Variants in PCDHA2 observed in about 807,000 individuals in gnomAD.
The protein encoded by PCDHA2 is protocadherin alpha-2.
Under a neutral mutation model 66.0 loss-of-function variants are expected in PCDHA2, and 58 were observed. The ratio of observed to expected loss-of-function variants is 0.88; its 90% CI spans 0.71 to 1.09. The LOEUF is 1.09. PCDHA2 is among the 50% of genes least tolerant of loss of function. The probability of loss-of-function intolerance (pLI) is 0.00; values close to 1 mark genes in which losing one functional copy is unlikely to be tolerated. For missense variants in PCDHA2, 1,267 were observed against 1,242.3 expected (o/e 1.02, Z -0.30); for synonymous variants, 634 against 554.0 (o/e 1.14, Z -2.03).
chr5:140,931,088 A>G (rs1178910459), intron 1 of PCDHA2, among the ~76,000 whole-genome samples: 1 of 152,196 alleles, frequency 6.6e-6, no homozygotes, highest in African/African-American at 2.4e-5. Context: ...AGTTCTACAG[A>G]TGACAAAGGA....
At chr5:140,860,132 T>C (rs2150486737) in intron 1 of PCDHA2, 1 of 150,816 alleles carries the variant, frequency 6.6e-6, no homozygotes, top group East Asian at 1.9e-4. Flanking sequence ...TGTGTGTGTG[T>C]GTATATATAT....
chr5:140,801,315 A>T, intron 1 of PCDHA2: 3 of 1,613,346 alleles, frequency 1.9e-6, no homozygotes, highest in Non-Finnish European at 2.5e-6. Flanking sequence ...TGAGGAGGCC[A>T]AGCATGGCAC....
chr5:140,848,815 A>G, intron 1 of PCDHA2: 4 of 1,591,096 alleles, frequency 2.5e-6, no homozygotes, highest in Non-Finnish European at 2.6e-6. Context: ...ATCCACCTGG[A>G]GGTGATCGTA....
chr5:140,941,191 T>TTTTTTTC lies in PCDHA2; in HGVS notation c.2389-37755_2389-37754insTTTCTTT, dbSNP rs1554213809. ...CATCTTGAACATCCTGCTTCTTTTT[T>TTTTTTTC]TTTCTTTCTTCCTTTCTTTCTTCCT... is the stretch of plus-strand genomic sequence containing the variant. On this transcript the variant is annotated intron_variant, in intron 1 of 3. Coordinates refer to ENST00000526136, the MANE Select transcript of PCDHA2 (RefSeq NM_018905.3). Among the ~76,000 whole-genome samples, 30 of 93,254 alleles carry TTTTTTTC rather than the reference T, an allele frequency of 3.2e-4. 1 individual carries two copies. Among genetic ancestry groups the TTTTTTTC allele is most frequent in the Admixed American group, 1.8e-3 (15 of 8,146 alleles). The allele number at this position is 93,254 out of a possible 152,430, so 61.2% of individuals were successfully genotyped here.
At chr5:140,843,615 C>T (rs111750019) in intron 1 of PCDHA2, 2 of 1,595,902 alleles carry the variant, frequency 1.3e-6, no homozygotes, top group Non-Finnish European at 1.7e-6. Flanking sequence ...GAGGGGCCAC[C>T]GAAGACGGAC....
Position 140,797,022 on chromosome 5 carries a change from C to T in PCDHA2, c.2058C>T (p.Ala686=). 2 of 1,613,700 alleles carry T rather than the reference C, an allele frequency of 1.2e-6. No homozygotes were observed. Among genetic ancestry groups the T allele is most frequent in the African/African-American group, 1.3e-5 (1 of 75,058 alleles). ...PKASSRAWVG[A]AGSEATLVDV... ...CCTCGTCGCGGGCGTGGGTGGGCGCCGCGGGCTCAGAGGCTACGCTGGTGG... is the reference window on the plus strand; with the variant it reads ...CCTCGTCGCGGGCGTGGGTGGGCGCTGCGGGCTCAGAGGCTACGCTGGTGG... Residue 686 remains alanine, a synonymous_variant, in exon 1 of 4, where the codon GCC becomes GCT. Coordinates refer to ENST00000526136, the MANE Select transcript of PCDHA2 (RefSeq NM_018905.3).
chr5:140,858,383 A>G lies in PCDHA2; in HGVS notation c.2388+61031A>G, dbSNP rs181849631. Reference sequence around the variant, plus strand: ...CAGCCCCAGCCTTCCACCATGCCCAATGGTAGATGTGGACGGGGAAGATCA... The same window carrying G: ...CAGCCCCAGCCTTCCACCATGCCCAGTGGTAGATGTGGACGGGGAAGATCA... On this transcript the variant is annotated intron_variant, in intron 1 of 3. Transcript: ENST00000526136. 1,813 of 1,584,980 alleles carry G rather than the reference A, an allele frequency of 1.1e-3. 172 individuals are homozygous for G. Among genetic ancestry groups the G allele is most frequent in the Non-Finnish European group, 1.3e-3 (1,523 of 1,159,242 alleles).
intron 1 of PCDHA2, chr5:140,807,799 A>G: frequency 6.2e-7 from 1 of 1,614,150 alleles, no homozygotes; most frequent in Admixed American, 1.7e-5. Context: ...ACAGAGAAGA[A>G]GCTCCGGAGA....
Position 140,796,096 on chromosome 5 carries a change from G to A in PCDHA2, c.1132G>A (p.Asp378Asn), listed in dbSNP as rs782629565. The A allele has an allele frequency of 1.9e-6, 3 of 1,614,046 alleles. No individual in the cohort carries two copies. In the South Asian group the frequency reaches 3.3e-5, roughly 18 times the overall value. ...TGCTCTCATCACGGTGTCGGATCGC[G>A]ACTCTGGTACGAATGGACATGTCAC... ...VIALITVSDRDSGTNGHVTCS... is the reference protein window; with the variant it reads ...VIALITVSDRNSGTNGHVTCS... The change falls in exon 1 of 4, where the codon GAC becomes AAC. Residue 378 changes from aspartate (D) to asparagine (N), a missense_variant. Asp to Asn is a conservative substitution (Grantham distance 23). Transcript: ENST00000526136.
At chr5:140,823,925 A>G (rs2150130360) in intron 1 of PCDHA2, 3 of 1,613,820 alleles carry the variant, frequency 1.9e-6, no homozygotes, top group East Asian at 4.5e-5. Context: ...CTGCTGCTGT[A>G]CACCGCGCTG....
intron 1 of PCDHA2, among the ~76,000 whole-genome samples, chr5:140,909,441 C>A (rs971678951): frequency 2.6e-5 from 4 of 152,214 alleles, no homozygotes; most frequent in African/African-American, 9.7e-5. Flanking sequence ...AATCCACTGT[C>A]ATTCTCCAAG....
At chr5:141,000,939 A>G (rs551872377) in intron 3 of PCDHA2, among the ~76,000 whole-genome samples, 2 of 152,294 alleles carry the variant, frequency 1.3e-5, no homozygotes, top group East Asian at 3.9e-4. Context: ...ATTTAGGACA[A>G]ATTATCTTGC....
chr5:140,978,688 G>A (rs1258023605), intron 1 of PCDHA2, among the ~76,000 whole-genome samples: 2 of 152,238 alleles, frequency 1.3e-5, no homozygotes, highest in African/African-American at 4.8e-5. Context: ...TATTGGGCAA[G>A]GCAAAGCCAA....
chr5:140,795,696 AT>A lies in PCDHA2; in HGVS notation c.733del (p.Ser245GlnfsTer5), dbSNP rs1554119543. On this transcript the variant is annotated frameshift_variant, in exon 1 of 4. Transcript: ENST00000526136. LOFTEE classifies it high-confidence loss of function. Reference protein sequence around the residue: ...VNDNEPTFAQSVYKVKLLENT... With the variant: ...VNDNEPTFAQXVYKVKLLENT... ...ATGACAATGAACCAACTTTTGCCCA[AT>A]CAGTTTACAAAGTAAAATTGTTAGA... 1.9e-6 allele frequency: 3 copies of A among 1,614,032 alleles called. No individual in the cohort carries two copies. Among genetic ancestry groups the A allele is most frequent in the Non-Finnish European group, 2.5e-6 (3 of 1,180,016 alleles).
chr5:140,882,404 G>T, intron 1 of PCDHA2: 1 of 1,614,152 alleles, frequency 6.2e-7, no homozygotes, highest in Non-Finnish European at 8.5e-7. Context: ...CACCTTCGTG[G>T]GCCGCATCGC....
At position 140,876,586 on chromosome 5, in the gene PCDHA2, A is replaced by C. The variant is rs782256478; in HGVS notation, c.2388+79234A>C. 3 of 1,614,148 alleles carry C rather than the reference A, an allele frequency of 1.9e-6. No individual in the cohort carries two copies. The South Asian group carries it at 3.3e-5, about 18-fold the overall frequency. On this transcript the variant is annotated intron_variant, in intron 1 of 3. Transcript: ENST00000526136. Reference sequence around the variant, plus strand: ...TCAGGTGGGTACCGTCATTGCCCTGATTAGCGTGTCGGATCGTGACTCTGG... The same window carrying C: ...TCAGGTGGGTACCGTCATTGCCCTGCTTAGCGTGTCGGATCGTGACTCTGG...
chr5:140,857,745 C>T lies in PCDHA2; in HGVS notation c.2388+60393C>T. On this transcript the variant is annotated intron_variant, in intron 1 of 3. Coordinates refer to ENST00000526136, the MANE Select transcript of PCDHA2 (RefSeq NM_018905.3). Reference sequence around the variant, plus strand: ...AACGACAACGCTCCCGCGCTGCTGGCGTCTCCCGCTGGCAGCGCGGGCGGT... The same window carrying T: ...AACGACAACGCTCCCGCGCTGCTGGTGTCTCCCGCTGGCAGCGCGGGCGGT... 5.0e-6 allele frequency: 8 copies of T among 1,597,310 alleles called. 1 individual carries two copies. Among genetic ancestry groups the T allele is most frequent in the South Asian group, 1.1e-5 (1 of 90,480 alleles).
chr5:140,824,633 A>G (rs12660016), intron 1 of PCDHA2: 1 of 102,008 alleles, frequency 9.8e-6, no homozygotes, highest in Non-Finnish European at 1.9e-5. Context: ...TTTTTTTTTT[A>G]TTTTCTGTAG....
intron 1 of PCDHA2, chr5:140,968,154 A>G (rs782200456): frequency 3.7e-6 from 6 of 1,614,162 alleles, no homozygotes; most frequent in South Asian, 1.1e-5. Flanking sequence ...TCTGACATCA[A>G]TGACAATCCA....
Sources: allele counts gnomAD v4.1 joint callset (sites outside exome capture counted in the v4.1 genomes callset), GRCh38; gene constraint gnomAD v4.1.1; transcripts MANE v1.5; gene names NCBI Gene and HGNC (gene_info 2026-07-23, HGNC 2026-07-21).